SNTG1: variants seen among roughly 807,000 people sequenced by gnomAD.
SNTG1 encodes the protein gamma-1-syntrophin.
In SNTG1, 39 loss-of-function variants were observed where a neutral mutation model predicts 74.7. The observed-to-expected ratio is 0.52, with a 90% confidence interval of 0.40 to 0.68. SNTG1 has a LOEUF of 0.68. Among genes scored for constraint, SNTG1 ranks in the 30% least tolerant of loss-of-function variants. The probability of loss-of-function intolerance (pLI) is 0.00; values close to 1 mark genes in which losing one functional copy is unlikely to be tolerated. For missense variants in SNTG1, 685 were observed against 609.5 expected (o/e 1.12, Z -1.30); for synonymous variants, 254 against 217.1 (o/e 1.17, Z -1.49).
At position 49,912,119 on chromosome 8, in the gene SNTG1, T is replaced by A. The variant is rs1805630215; in HGVS notation, c.-215T>A. On this transcript the variant is annotated 5_prime_UTR_variant, in exon 1 of 19. Transcript: ENST00000642720. The stretch of plus-strand genomic sequence containing the variant: ...ACACTTCTTGAAATAAACAGAATGG[T>A]CTTGAGTGGATTGCAACTGTTTTGG... The A allele has an allele frequency of 6.6e-6, 1 of 152,142 alleles. No individual in the cohort carries two copies. Among genetic ancestry groups the A allele is most frequent in the South Asian group, 2.1e-4 (1 of 4,828 alleles). The allele number at this position is 152,142 out of a possible 1,614,324, so 9.4% of individuals were successfully genotyped here.
chr8:50,703,977 T>C (rs1389486251), intron 15 of SNTG1, among the ~76,000 whole-genome samples: 1 of 152,226 alleles, frequency 6.6e-6, no homozygotes, highest in East Asian at 1.9e-4. Context: ...CTCATGTTAA[T>C]GTCTCTTAAA....
At chr8:50,350,090 C>A (rs1195627792) in intron 2 of SNTG1, among the ~76,000 whole-genome samples, 1 of 152,168 alleles carries the variant, frequency 6.6e-6, no homozygotes, top group Non-Finnish European at 1.5e-5. Context: ...CATTGGGTCC[C>A]CCAGCAGCGC....
chr8:50,457,415 C>T (rs938151896), intron 8 of SNTG1, among the ~76,000 whole-genome samples: 5 of 152,140 alleles, frequency 3.3e-5, no homozygotes, highest in South Asian at 2.1e-4. Context: ...TGACTCTTTC[C>T]GAATTCTCTA....
chr8:50,461,532 T>C (rs2093562504), intron 8 of SNTG1, among the ~76,000 whole-genome samples: 1 of 152,176 alleles, frequency 6.6e-6, no homozygotes. Flanking sequence ...TTATTATTTA[T>C]CTGATCATTT....
At chr8:50,302,871 T>C (rs868859266) in intron 2 of SNTG1, among the ~76,000 whole-genome samples, 19 of 152,334 alleles carry the variant, frequency 1.2e-4, no homozygotes, top group Admixed American at 2.6e-4. Context: ...TTTTGGTCAA[T>C]TTCTAGTGTT....
chr8:50,687,858 T>C (rs1421976723), intron 15 of SNTG1, among the ~76,000 whole-genome samples: 4 of 152,142 alleles, frequency 2.6e-5, no homozygotes, highest in Non-Finnish European at 5.9e-5. Flanking sequence ...TGCTGATATT[T>C]TACAGTCCCA....
At chr8:50,101,985 T>A (rs1392596994) in intron 1 of SNTG1, among the ~76,000 whole-genome samples, 1 of 152,074 alleles carries the variant, frequency 6.6e-6, no homozygotes, top group Non-Finnish European at 1.5e-5. Context: ...TGGTTCCAAG[T>A]CTTTGCTATT....
chr8:50,756,238 C>T lies in SNTG1; in HGVS notation c.1395+4127C>T, dbSNP rs551216213. ...TCTCTTGAGAATGTCTTTCATAGAG[C>T]AGAAAATTTTAATTTTAATGAGGTC... On this transcript the variant is annotated intron_variant, in intron 18 of 18. Coordinates refer to ENST00000642720, the MANE Select transcript of SNTG1 (RefSeq NM_018967.5). Among the ~76,000 whole-genome samples the T allele has an allele frequency of 2.6e-5, 4 of 151,932 alleles. No homozygotes were observed. In the East Asian group the frequency reaches 7.8e-4, roughly 30 times the overall value.
chr8:49,982,038 TAA>T (rs1161517465), intron 1 of SNTG1, among the ~76,000 whole-genome samples: 2 of 152,130 alleles, frequency 1.3e-5, no homozygotes, highest in Non-Finnish European at 2.9e-5. Context: ...GCTTTAAAAA[TAA>T]AAGTCTTTGA....
At chr8:50,074,015 G>GTCGTTAGCTTCAACTTAAAT (rs1256548254) in intron 1 of SNTG1, among the ~76,000 whole-genome samples, 20 of 150,662 alleles carry the variant, frequency 1.3e-4, no homozygotes, top group African/African-American at 4.9e-4. Context: ...TCAACTTAAA[G>GTCGTTAGCTTCAACTTAAAT]TCATTAGCTG....
intron 1 of SNTG1, among the ~76,000 whole-genome samples, chr8:50,117,482 T>C (rs1288256694): frequency 1.3e-5 from 2 of 152,080 alleles, no homozygotes; most frequent in African/African-American, 4.8e-5. Context: ...ACATAAAATG[T>C]TTAGGGTCTA....
At chr8:50,408,253 T>G (rs2092904714) in intron 4 of SNTG1, among the ~76,000 whole-genome samples, 1 of 25,796 alleles carries the variant, frequency 3.9e-5, no homozygotes, top group Non-Finnish European at 7.6e-5. Flanking sequence ...TTATCATCCT[T>G]GCTTTAAAGT....
chr8:50,541,398 A>G (rs1420524652), intron 11 of SNTG1, among the ~76,000 whole-genome samples: 2 of 152,098 alleles, frequency 1.3e-5, no homozygotes, highest in South Asian at 2.1e-4. Context: ...CCATAACTAC[A>G]CCAGCATCCC....
chr8:50,147,628 G>A (rs768803774), intron 1 of SNTG1, among the ~76,000 whole-genome samples: 27 of 152,128 alleles, frequency 1.8e-4, no homozygotes, highest in Non-Finnish European at 3.7e-4. Context: ...TTCTGTCAGA[G>A]GAATAAGCCA....
intron 1 of SNTG1, among the ~76,000 whole-genome samples, chr8:50,043,358 AT>A (rs1416489247): frequency 1.3e-5 from 2 of 152,206 alleles, no homozygotes; most frequent in Admixed American, 1.3e-4. Context: ...TTAAATTAGG[AT>A]TTTTTGACTA....
chr8:50,740,964 G>A (rs530485601), intron 17 of SNTG1, among the ~76,000 whole-genome samples: 1 of 152,080 alleles, frequency 6.6e-6, no homozygotes, highest in African/African-American at 2.4e-5. Flanking sequence ...ACATAGAGAA[G>A]AACAACATAC....
intron 13 of SNTG1, among the ~76,000 whole-genome samples, chr8:50,621,275 T>C (rs1264317688): frequency 2.0e-5 from 3 of 152,084 alleles, no homozygotes; most frequent in Non-Finnish European, 2.9e-5. Flanking sequence ...CACACTTTCA[T>C]AGGCAAGATA....
At chr8:50,240,808 T>A (rs1441512167) in intron 2 of SNTG1, among the ~76,000 whole-genome samples, 2 of 152,174 alleles carry the variant, frequency 1.3e-5, no homozygotes, top group African/African-American at 2.4e-5. Flanking sequence ...AGAAAACAAA[T>A]TTATGCTTAA....
At chr8:50,377,322 T>C (rs2131198921) in intron 2 of SNTG1, among the ~76,000 whole-genome samples, 1 of 152,308 alleles carries the variant, frequency 6.6e-6, no homozygotes, top group East Asian at 1.9e-4. Context: ...CTTATTTCTG[T>C]GCACATGGGA....
Sources: allele counts gnomAD v4.1 joint callset (sites outside exome capture counted in the v4.1 genomes callset), GRCh38; gene constraint gnomAD v4.1.1; transcripts MANE v1.5; gene names NCBI Gene and HGNC (gene_info 2026-07-23, HGNC 2026-07-21).